NRF1: variants seen among roughly 807,000 people sequenced by gnomAD.
NRF1 encodes the protein nuclear respiratory factor 1.
In NRF1, 5 loss-of-function variants were observed where a neutral mutation model predicts 58.5. The ratio of observed to expected loss-of-function variants is 0.09; its 90% CI spans 0.04 to 0.18. NRF1 has a LOEUF of 0.18. Ranked by LOEUF, NRF1 falls within the 10% of genes least tolerant of loss-of-function variation. The probability of loss-of-function intolerance (pLI) is 1.00; values close to 1 mark genes in which losing one functional copy is unlikely to be tolerated. For missense variants in NRF1, 288 were observed against 657.7 expected (o/e 0.44, Z 6.15); for synonymous variants, 224 against 246.7 (o/e 0.91, Z 0.86).
chr7:129,693,049 T>C (rs1236579215), intron 5 of NRF1, among the ~76,000 whole-genome samples: 1 of 152,242 alleles, frequency 6.6e-6, no homozygotes, highest in Non-Finnish European at 1.5e-5. Context: ...TCTCCCCAGC[T>C]AGAATTTCAG....
intron 10 of NRF1, chr7:129,744,294 C>G: frequency 7.2e-7 from 1 of 1,391,818 alleles, no homozygotes; most frequent in African/African-American, 1.4e-5. Context: ...GGCTGTCATT[C>G]CAGGCGCTGC....
intron 9 of NRF1, among the ~76,000 whole-genome samples, chr7:129,725,162 T>A (rs1217857712): frequency 6.6e-6 from 1 of 152,166 alleles, no homozygotes; most frequent in African/African-American, 2.4e-5. Context: ...AGTTCCAGTT[T>A]TACAAGATGA....
In NRF1 at chr7:129,615,214, G is replaced by C. The variant is rs1800636162; in HGVS notation, c.-7+3390G>C. Among the ~76,000 whole-genome samples, 3 of 152,332 alleles carry C rather than the reference G, an allele frequency of 2.0e-5. No individual in the cohort carries two copies. The South Asian group carries it at 6.2e-4, about 32-fold the overall frequency. On this transcript the variant is annotated intron_variant, in intron 1 of 10. Coordinates refer to ENST00000393232, the MANE Select transcript of NRF1 (RefSeq NM_005011.5). ...TAATGTATACATTCAGCTTCTGTCA[G>C]ATGTCTTTAGACAAGCCTGTTGCTT...
chr7:129,690,006 A>G (rs1401340317), intron 4 of NRF1, among the ~76,000 whole-genome samples: 1 of 152,192 alleles, frequency 6.6e-6, no homozygotes, highest in African/African-American at 2.4e-5. Flanking sequence ...GTCCTTGAAG[A>G]TCTTGAAAAT....
intron 5 of NRF1, among the ~76,000 whole-genome samples, chr7:129,703,472 A>AATC (rs1467978819): frequency 6.6e-6 from 1 of 152,208 alleles, no homozygotes; most frequent in African/African-American, 2.4e-5. Flanking sequence ...TCTGGAAAGG[A>AATC]ATCATTTGAC....
intron 1 of NRF1, among the ~76,000 whole-genome samples, chr7:129,620,875 A>C (rs1800783768): frequency 6.6e-6 from 1 of 152,224 alleles, no homozygotes; most frequent in East Asian, 1.9e-4. Flanking sequence ...ATATGGGGCA[A>C]GACATTTATT....
At chr7:129,633,071 C>T (rs993908625) in intron 1 of NRF1, among the ~76,000 whole-genome samples, 2 of 152,138 alleles carry the variant, frequency 1.3e-5, no homozygotes, top group African/African-American at 4.8e-5. Flanking sequence ...AATGAATGAG[C>T]ATTATATATC....
intron 1 of NRF1, among the ~76,000 whole-genome samples, chr7:129,629,846 C>T (rs1801009963): frequency 6.6e-6 from 1 of 152,096 alleles, no homozygotes; most frequent in Non-Finnish European, 1.5e-5. Flanking sequence ...GTGCTGTTAC[C>T]TTAAATTGTG....
rs147130371 is a variant in NRF1 at position 129,665,269 on chromosome 7, G to A, written c.224-6160G>A. Among the ~76,000 whole-genome samples, 211 of 152,332 alleles carry A rather than the reference G, an allele frequency of 1.4e-3. 1 individual carries two copies. The Middle Eastern group carries it at 0.034, about 25-fold the overall frequency. ...GGGGCTGTGTGTGGTAAGGAATTTCGAGAGGCAGCAGAGCACAGGGCTTAC... is the reference window on the plus strand; with the variant it reads ...GGGGCTGTGTGTGGTAAGGAATTTCAAGAGGCAGCAGAGCACAGGGCTTAC... On this transcript the variant is annotated intron_variant, in intron 2 of 10. Coordinates refer to ENST00000393232, the MANE Select transcript of NRF1 (RefSeq NM_005011.5).
At chr7:129,744,798 G>A (rs949306504) in intron 10 of NRF1, among the ~76,000 whole-genome samples, 39 of 151,904 alleles carry the variant, frequency 2.6e-4, no homozygotes, top group African/African-American at 9.4e-4. Flanking sequence ...TAGTTTTTTT[G>A]TGGTTTTTTT....
chr7:129,629,120 G>A (rs978211650), intron 1 of NRF1, among the ~76,000 whole-genome samples: 1 of 152,138 alleles, frequency 6.6e-6, no homozygotes. Context: ...TCCTTGAAGT[G>A]ACAGACCCAC....
chr7:129,672,414 C>G (rs1437409346), intron 3 of NRF1, among the ~76,000 whole-genome samples: 3 of 151,888 alleles, frequency 2.0e-5, no homozygotes, highest in Non-Finnish European at 2.9e-5. Flanking sequence ...AGGCTTTTGA[C>G]CAGAGCAGTA....
chr7:129,668,758 A>G (rs1801977132), intron 2 of NRF1, among the ~76,000 whole-genome samples: 4 of 152,234 alleles, frequency 2.6e-5, no homozygotes, highest in African/African-American at 7.2e-5. Flanking sequence ...ATGATTTACT[A>G]CTTACTATAT....
At chr7:129,673,181 G>A (rs1052721765) in intron 3 of NRF1, among the ~76,000 whole-genome samples, 2 of 152,158 alleles carry the variant, frequency 1.3e-5, no homozygotes, top group East Asian at 3.9e-4. Flanking sequence ...GATTGAACTT[G>A]ACAAGAGTAT....
chr7:129,744,808 T>TC (rs1803934150), intron 10 of NRF1, among the ~76,000 whole-genome samples: 1 of 152,166 alleles, frequency 6.6e-6, no homozygotes. Flanking sequence ...GTGGTTTTTT[T>TC]CCTAAATGGT....
At chr7:129,648,191 TATC>T (rs1801452982) in intron 1 of NRF1, among the ~76,000 whole-genome samples, 4 of 152,058 alleles carry the variant, frequency 2.6e-5, no homozygotes, top group Admixed American at 2.6e-4. Flanking sequence ...TTGTTTATAG[TATC>T]ATCAAACAGT....
chr7:129,708,894 C>T (rs1310465336), intron 5 of NRF1, among the ~76,000 whole-genome samples, 181 bp from the exon 6 acceptor site: 1 of 152,096 alleles, frequency 6.6e-6, no homozygotes, highest in Non-Finnish European at 1.5e-5. Flanking sequence ...ATTTATAATT[C>T]TCAACCACCC....
chr7:129,733,625 C>T (rs1488556832), intron 10 of NRF1, among the ~76,000 whole-genome samples: 1 of 152,186 alleles, frequency 6.6e-6, no homozygotes, highest in Non-Finnish European at 1.5e-5. Context: ...GAGTTTTCAT[C>T]ACAGAGATGG....
At chr7:129,713,866 G>A (rs1201599646) in intron 8 of NRF1, among the ~76,000 whole-genome samples, 2 of 152,234 alleles carry the variant, frequency 1.3e-5, no homozygotes, top group African/African-American at 4.8e-5. Flanking sequence ...AGAGGGATGG[G>A]AGTTCTATCC....
Sources: gnomAD v4.1 joint callset for allele counts (sites outside exome capture counted in the v4.1 genomes callset) on GRCh38, gnomAD v4.1.1 for gene constraint, MANE v1.5 for transcripts, NCBI Gene and HGNC (gene_info 2026-07-23, HGNC 2026-07-21) for gene names.